DLG2: variants seen among roughly 807,000 people sequenced by gnomAD.
DLG2 encodes disks large homolog 2.
In DLG2, 45 loss-of-function variants were observed where a neutral mutation model predicts 132.5. That is an observed-to-expected ratio of 0.34 (90% confidence interval 0.27 to 0.44). DLG2 has a LOEUF of 0.44. Among genes scored for constraint, DLG2 ranks in the 20% least tolerant of loss-of-function variants. The probability of loss-of-function intolerance (pLI) is 1.00; values close to 1 mark genes in which losing one functional copy is unlikely to be tolerated. For synonymous variants in DLG2, 424 were observed against 419.6 expected (o/e 1.01, Z -0.13); for missense variants, 1,045 against 1,196.9 (o/e 0.87, Z 1.87).
intron 6 of DLG2, among the ~76,000 whole-genome samples, chr11:84,852,895 A>G (rs1466311325): frequency 6.6e-6 from 1 of 152,028 alleles, no homozygotes; most frequent in East Asian, 1.9e-4. Context: ...TTGCCATAGT[A>G]ACTAGTGCTA....
At chr11:84,334,515 T>C (rs1439923093) in intron 7 of DLG2, among the ~76,000 whole-genome samples, 1 of 152,234 alleles carries the variant, frequency 6.6e-6, no homozygotes, top group Non-Finnish European at 1.5e-5. Flanking sequence ...CTTTTTGGCA[T>C]TTTCAATTCT....
intron 3 of DLG2, among the ~76,000 whole-genome samples, chr11:85,346,220 T>C (rs1271119111): frequency 6.6e-6 from 1 of 151,592 alleles, no homozygotes; most frequent in Non-Finnish European, 1.5e-5. Context: ...CAGAGTCTCG[T>C]TCTGTTGCCC....
chr11:83,999,409 C>T (rs915028641), intron 11 of DLG2, among the ~76,000 whole-genome samples: 3 of 152,140 alleles, frequency 2.0e-5, no homozygotes, highest in Non-Finnish European at 4.4e-5. Context: ...CCAGTGTATA[C>T]CACTCAGGAC....
intron 21 of DLG2, among the ~76,000 whole-genome samples, chr11:83,514,244 C>T (rs1051452338): frequency 6.6e-6 from 1 of 152,222 alleles, no homozygotes; most frequent in African/African-American, 2.4e-5. Flanking sequence ...AAATCCTTCA[C>T]ATCTCCTGTA....
intron 5 of DLG2, among the ~76,000 whole-genome samples, chr11:85,118,569 T>C (rs968415944): frequency 6.6e-5 from 10 of 152,124 alleles, no homozygotes; most frequent in Admixed American, 4.6e-4. Context: ...AGGGTATCAA[T>C]GGGGAGAGGA....
intron 7 of DLG2, among the ~76,000 whole-genome samples, chr11:84,445,686 G>T (rs1391937234): frequency 1.3e-5 from 2 of 151,994 alleles, no homozygotes; most frequent in African/African-American, 2.4e-5. Flanking sequence ...GGAGGCCGAG[G>T]CGGGTGGATC....
At chr11:84,622,854 A>G (rs980123640) in intron 6 of DLG2, among the ~76,000 whole-genome samples, 12 of 152,176 alleles carry the variant, frequency 7.9e-5, no homozygotes, top group African/African-American at 2.7e-4. Context: ...TTTGCCGGAG[A>G]TGGAGGATAT....
intron 9 of DLG2, among the ~76,000 whole-genome samples, chr11:84,151,902 G>A (rs1260909855): frequency 6.6e-6 from 1 of 152,138 alleles, no homozygotes; most frequent in East Asian, 1.9e-4. Context: ...ACTGTAGTTT[G>A]AGAGTATGTT....
intron 3 of DLG2, among the ~76,000 whole-genome samples, chr11:85,298,688 A>G (rs1054490556): frequency 2.0e-5 from 3 of 152,234 alleles, no homozygotes; most frequent in Admixed American, 6.5e-5. Flanking sequence ...TATTGGTATT[A>G]TTGGTATTAA....
At chr11:84,856,881 G>A (rs1331224630) in intron 6 of DLG2, among the ~76,000 whole-genome samples, 1 of 151,934 alleles carries the variant, frequency 6.6e-6, no homozygotes, top group Non-Finnish European at 1.5e-5. Flanking sequence ...TAAATCTGAG[G>A]AGGCTGAAAA....
intron 7 of DLG2, among the ~76,000 whole-genome samples, chr11:84,257,622 C>T (rs1466623361): frequency 6.6e-6 from 1 of 151,772 alleles, no homozygotes; most frequent in Non-Finnish European, 1.5e-5. Context: ...AATCTGGCTC[C>T]AGAGCCATGT....
chr11:83,866,293 A>G (rs2062362247), intron 16 of DLG2, among the ~76,000 whole-genome samples: 1 of 152,178 alleles, frequency 6.6e-6, no homozygotes, highest in East Asian at 1.9e-4. Context: ...GCAAATGTCA[A>G]GAAGAGGTTG....
chr11:85,466,231 T>C (rs2092784972), intron 3 of DLG2, among the ~76,000 whole-genome samples: 1 of 152,214 alleles, frequency 6.6e-6, no homozygotes, highest in South Asian at 2.1e-4. Flanking sequence ...GACGAGTAAA[T>C]TGCAAAAATT....
At chr11:84,106,731 CAA>C in intron 9 of DLG2, among the ~76,000 whole-genome samples, 1 of 151,684 alleles carries the variant, frequency 6.6e-6, no homozygotes, top group South Asian at 2.1e-4. Context: ...ATAAATAGGC[CAA>C]GAGAGAATGC....
Position 83,676,333 on chromosome 11 carries a change from G to A in DLG2, c.1826-43008C>T, listed in dbSNP as rs139570928. On this transcript the variant is annotated intron_variant, in intron 18 of 27. Transcript: ENST00000376104. Reference sequence around the variant, plus strand: ...CAGGCAGTGTGGCAGGACCAAAAGGGATTTCTTAACAATATTGTGAGCTGA... The same window carrying A: ...CAGGCAGTGTGGCAGGACCAAAAGGAATTTCTTAACAATATTGTGAGCTGA... 5.5e-4 allele frequency among the ~76,000 whole-genome samples: 83 copies of A among 152,248 alleles called. No individual in the cohort carries two copies. The East Asian group carries it at 0.014, about 25-fold the overall frequency.
intron 6 of DLG2, among the ~76,000 whole-genome samples, chr11:85,079,547 C>A (rs1158138771): frequency 6.7e-6 from 1 of 148,580 alleles, no homozygotes; most frequent in East Asian, 2.0e-4. Flanking sequence ...CCAGAGGCAA[C>A]ATCAATGGCC....
intron 8 of DLG2, among the ~76,000 whole-genome samples, chr11:84,233,294 G>T (rs2097118324): frequency 6.6e-6 from 1 of 152,160 alleles, no homozygotes; most frequent in Admixed American, 6.6e-5. Flanking sequence ...AATTGTTTAG[G>T]CAGATAGTGA....
intron 19 of DLG2, among the ~76,000 whole-genome samples, chr11:83,601,774 C>T (rs560284098): frequency 6.6e-5 from 10 of 152,040 alleles, no homozygotes; most frequent in South Asian, 4.2e-4. Flanking sequence ...CTGCCGGCCT[C>T]GGCCTCCCAA....
At chr11:84,563,565 C>G (rs2099436616) in intron 6 of DLG2, among the ~76,000 whole-genome samples, 1 of 152,148 alleles carries the variant, frequency 6.6e-6, no homozygotes, top group Non-Finnish European at 1.5e-5. Context: ...GAGCACAGGG[C>G]AAAATGGCAC....
Sources: allele counts gnomAD v4.1 joint callset (sites outside exome capture counted in the v4.1 genomes callset), GRCh38; gene constraint gnomAD v4.1.1; transcripts MANE v1.5; gene names NCBI Gene and HGNC (gene_info 2026-07-23, HGNC 2026-07-21).